CNTNAP5: variants seen among roughly 807,000 people sequenced by gnomAD.
CNTNAP5 encodes contactin associated protein family member 5.
In CNTNAP5, 72 loss-of-function variants were observed where a neutral mutation model predicts 150.2. The observed-to-expected ratio is 0.48, with a 90% CI of 0.40 to 0.58. The LOEUF (loss-of-function observed/expected upper bound fraction) is 0.58. Ranked by LOEUF, CNTNAP5 falls within the 20% of genes least tolerant of loss-of-function variation. CNTNAP5 has a pLI of 0.00. For missense variants in CNTNAP5, 1,636 were observed against 1,626.2 expected, an observed-to-expected ratio of 1.01 and a Z score of -0.10; for synonymous variants, 672 against 619.8, an observed-to-expected ratio of 1.08 and a Z score of -1.25.
chr2:124,204,836 T>A (rs1336542717), intron 1 of CNTNAP5, among the ~76,000 whole-genome samples: 1 of 151,980 alleles, frequency 6.6e-6, no homozygotes, highest in Non-Finnish European at 1.5e-5. Flanking sequence ...CAAGATGAGC[T>A]ATGGGGACAC....
intron 11 of CNTNAP5, among the ~76,000 whole-genome samples, chr2:124,593,136 A>C (rs1296486277): frequency 3.6e-5 from 5 of 138,046 alleles, no homozygotes. Context: ...TATTATTATT[A>C]TTATTTTTTT....
chr2:124,827,915 A>G (rs997296074), intron 19 of CNTNAP5, among the ~76,000 whole-genome samples: 3 of 151,792 alleles, frequency 2.0e-5, no homozygotes, highest in African/African-American at 7.3e-5. Context: ...TATCCTAGAA[A>G]CTCTTCAACT....
chr2:124,185,340 G>A (rs996019194), intron 1 of CNTNAP5, among the ~76,000 whole-genome samples: 2 of 152,256 alleles, frequency 1.3e-5, no homozygotes, highest in East Asian at 3.9e-4. Flanking sequence ...CTGCCAAAAG[G>A]CAAGGACAAA....
intron 11 of CNTNAP5, among the ~76,000 whole-genome samples, chr2:124,606,975 A>G (rs1677238355): frequency 6.6e-6 from 1 of 152,154 alleles, no homozygotes; most frequent in South Asian, 2.1e-4. Context: ...CACTACTACT[A>G]TTAATAATAT....
At chr2:124,286,568 C>T (rs1688157322) in intron 3 of CNTNAP5, among the ~76,000 whole-genome samples, 1 of 152,180 alleles carries the variant, frequency 6.6e-6, no homozygotes, top group South Asian at 2.1e-4. Context: ...ACACAAACCT[C>T]CTGGGGATGT....
At chr2:124,422,340 A>G (rs1332624281) in intron 4 of CNTNAP5, among the ~76,000 whole-genome samples, 2 of 152,168 alleles carry the variant, frequency 1.3e-5, no homozygotes, top group Middle Eastern at 3.2e-3. Flanking sequence ...TTCTTCCACT[A>G]ATTTATTCAT....
intron 6 of CNTNAP5, among the ~76,000 whole-genome samples, chr2:124,472,615 G>A (rs796513997): frequency 1.2e-4 from 18 of 151,234 alleles, no homozygotes; most frequent in African/African-American, 4.4e-4. Flanking sequence ...TACCTTGCAG[G>A]TATTGTGGAT....
At chr2:124,541,208 A>ATTTTTT (rs1695377417) in intron 10 of CNTNAP5, among the ~76,000 whole-genome samples, 6 of 61,612 alleles carry the variant, frequency 9.7e-5, no homozygotes, top group Admixed American at 1.9e-4. Context: ...GTGAGAAGAA[A>ATTTTTT]TTTTTTCACT....
rs887400765 is a variant in CNTNAP5 at position 124,446,742 on chromosome 2, C to T, written c.734-11C>T. ...CACAGACATCATCTTGCCTCTCTCC[C>T]CTCTTCACAGGTGACAGCAAAGCGC... On this transcript the variant is annotated splice_polypyrimidine_tract_variant and intron_variant, in intron 5 of 23. Coordinates refer to ENST00000682447, the MANE Select transcript of CNTNAP5 (RefSeq NM_001367498.1). 1 of 1,610,828 alleles carries T rather than the reference C, an allele frequency of 6.2e-7. No individual in the cohort carries two copies. Among genetic ancestry groups the T allele is most frequent in the African/African-American group, 1.3e-5 (1 of 74,878 alleles).
At chr2:124,411,450 C>T (rs192025295) in intron 3 of CNTNAP5, among the ~76,000 whole-genome samples, 4 of 151,918 alleles carry the variant, frequency 2.6e-5, no homozygotes, top group African/African-American at 4.8e-5. Flanking sequence ...GACCAATATC[C>T]TTGATGAGCA....
rs143939218 is a variant in CNTNAP5 at position 124,162,370 on chromosome 2, A to G, written c.83-59335A>G. ...AAAAAATTATGAGGCAGATCTTATT[A>G]TCTTTACAGACAGTAAATCAAGACA... On this transcript the variant is annotated intron_variant, in intron 1 of 23. Transcript: ENST00000682447. 6.2e-3 allele frequency among the ~76,000 whole-genome samples: 950 copies of G among 152,310 alleles called. 3 individuals carry two copies. The highest frequency in any genetic ancestry group is 0.021 in the African/African-American group (887 of 41,572).
At chr2:124,433,379 T>G (rs189972332) in intron 4 of CNTNAP5, among the ~76,000 whole-genome samples, 127 of 152,366 alleles carry the variant, frequency 8.3e-4, no homozygotes, top group Admixed American at 1.6e-3. Flanking sequence ...GTTTTAAAAC[T>G]AATTACAGAA....
chr2:124,758,349 G>A (rs901222771), intron 14 of CNTNAP5, among the ~76,000 whole-genome samples: 3 of 152,034 alleles, frequency 2.0e-5, no homozygotes, highest in African/African-American at 7.2e-5. Flanking sequence ...AGTGAAGGAG[G>A]TTGAACATCT....
chr2:124,532,856 C>A (rs569499485), intron 10 of CNTNAP5, among the ~76,000 whole-genome samples: 4 of 152,208 alleles, frequency 2.6e-5, no homozygotes, highest in Non-Finnish European at 4.4e-5. Flanking sequence ...GACTGGAATG[C>A]GGTAGATGCT....
At position 124,222,728 on chromosome 2, in the gene CNTNAP5, G is replaced by GTT. The variant is rs200668983; in HGVS notation, c.187+932_187+933dup. ...GGAATAAGTTCTAATTGGTCGTTGT[G>GTT]TTTTTTTTTTTTTTACACGCTAACT... On this transcript the variant is annotated intron_variant, in intron 2 of 23. Coordinates refer to ENST00000682447, the MANE Select transcript of CNTNAP5 (RefSeq NM_001367498.1). 2.5e-3 allele frequency among the ~76,000 whole-genome samples: 343 copies of GTT among 139,154 alleles called. 2 individuals are homozygous for GTT. The highest frequency in any genetic ancestry group is 7.9e-3 in the African/African-American group (305 of 38,606). The allele number at this position is 139,154 out of a possible 152,430, so 91.3% of individuals were successfully genotyped here. A position where few individuals can be genotyped will look rare whatever the true frequency, so the allele number is the denominator to read the frequency against.
At chr2:124,079,235 A>G (rs890462540) in intron 1 of CNTNAP5, among the ~76,000 whole-genome samples, 2 of 152,238 alleles carry the variant, frequency 1.3e-5, no homozygotes, top group Non-Finnish European at 2.9e-5. Flanking sequence ...AATTTGCTTG[A>G]GAGCACTCAG....
intron 1 of CNTNAP5, among the ~76,000 whole-genome samples, chr2:124,159,823 C>A (rs1684631659): frequency 2.0e-5 from 3 of 152,128 alleles, no homozygotes; most frequent in South Asian, 2.1e-4. Context: ...ATTAAAAAAT[C>A]AAAAATTCTA....
At chr2:124,725,026 A>G (rs964802596) in intron 13 of CNTNAP5, among the ~76,000 whole-genome samples, 1 of 144,706 alleles carries the variant, frequency 6.9e-6, no homozygotes, top group African/African-American at 2.6e-5. Flanking sequence ...AGGGTAGTCT[A>G]TTGAGGACAT....
chr2:124,386,019 G>C (rs1241632648), intron 3 of CNTNAP5, among the ~76,000 whole-genome samples: 1 of 152,128 alleles, frequency 6.6e-6, no homozygotes, highest in Non-Finnish European at 1.5e-5. Context: ...ATTAATGAGT[G>C]AGTGAGTAAG....
Sources: gnomAD v4.1 joint callset for allele counts (sites outside exome capture counted in the v4.1 genomes callset) on GRCh38, gnomAD v4.1.1 for gene constraint, MANE v1.5 for transcripts, NCBI Gene and HGNC (gene_info 2026-07-23, HGNC 2026-07-21) for gene names.